Variants in CIMIP6 observed in about 807,000 individuals in gnomAD.
CIMIP6 encodes the protein uncharacterized protein C2orf73.
the CIMIP6 span, among the ~76,000 whole-genome samples, chr2:54,334,242 G>A: frequency 4.6e-5 from 7 of 151,842 alleles, no homozygotes; most frequent in African/African-American, 1.2e-4. Flanking sequence ...AGTAATTTTC[G>A]TATTTGTAAC....
chr2:54,362,397 G>GT, the CIMIP6 span, among the ~76,000 whole-genome samples: 2 of 152,244 alleles, frequency 1.3e-5, no homozygotes, highest in South Asian at 4.1e-4. Context: ...AAGATCCTTG[G>GT]TTTTTTTCCA....
chr2:54,359,600 T>C, the CIMIP6 span, among the ~76,000 whole-genome samples: 1 of 132,664 alleles, frequency 7.5e-6, no homozygotes, highest in African/African-American at 3.3e-5. Flanking sequence ...CTAATAACAA[T>C]AATAATAATA....
At chr2:54,377,178 T>G in the CIMIP6 span, among the ~76,000 whole-genome samples, 7 of 152,132 alleles carry the variant, frequency 4.6e-5, no homozygotes, top group South Asian at 1.0e-3. Context: ...CTGATAAACG[T>G]TGAACCCACG....
the CIMIP6 span, chr2:54,359,221 G>T: frequency 1.6e-6 from 1 of 610,498 alleles, no homozygotes; most frequent in Non-Finnish European, 2.9e-6. Context: ...ACATACCATA[G>T]TAAAATGTAA....
chr2:54,355,497 C>T, the CIMIP6 span, among the ~76,000 whole-genome samples: 1 of 152,152 alleles, frequency 6.6e-6, no homozygotes, highest in Non-Finnish European at 1.5e-5. Flanking sequence ...CTCTTTCAAT[C>T]TGAGGTGTTT....
At chr2:54,377,657 C>G in the CIMIP6 span, among the ~76,000 whole-genome samples, 1 of 152,118 alleles carries the variant, frequency 6.6e-6, no homozygotes. Context: ...TAATGAAAAT[C>G]CAGCTCTCTC....
the CIMIP6 span, among the ~76,000 whole-genome samples, chr2:54,349,902 G>A: frequency 6.6e-6 from 1 of 151,724 alleles, no homozygotes; most frequent in Non-Finnish European, 1.5e-5. Flanking sequence ...AGGCTGGAGG[G>A]CAAGTGGCGT....
the CIMIP6 span, among the ~76,000 whole-genome samples, chr2:54,362,246 C>T: frequency 1.3e-5 from 2 of 152,050 alleles, no homozygotes; most frequent in African/African-American, 4.8e-5. Context: ...ACAAAAATTA[C>T]AAATCACACC....
At chr2:54,341,514 G>C in the CIMIP6 span, among the ~76,000 whole-genome samples, 1 of 152,272 alleles carries the variant, frequency 6.6e-6, no homozygotes, top group East Asian at 1.9e-4. Context: ...GCACAAAACA[G>C]ACTAAGACGT....
At chr2:54,367,342 A>AAT in the CIMIP6 span, among the ~76,000 whole-genome samples, 4 of 151,992 alleles carry the variant, frequency 2.6e-5, no homozygotes, top group African/African-American at 7.3e-5. Flanking sequence ...CATTTGGCAA[A>AAT]ATATATATAT....
chr2:54,331,007 T>G, the CIMIP6 span: 3 of 1,613,760 alleles, frequency 1.9e-6, no homozygotes, highest in Non-Finnish European at 2.5e-6. Context: ...CATCAGTAAG[T>G]GCTGGGGTTT....
chr2:54,357,380 T>C, the CIMIP6 span, among the ~76,000 whole-genome samples: 1 of 152,184 alleles, frequency 6.6e-6, no homozygotes, highest in African/African-American at 2.4e-5. Context: ...AAAAGTTAAA[T>C]TTTATTTTTT....
At chr2:54,382,115 T>C in the CIMIP6 span, 3 of 1,173,416 alleles carry the variant, frequency 2.6e-6, no homozygotes, top group East Asian at 2.8e-5. Context: ...TTTCCTACTA[T>C]AGAAATGTGA....
chr2:54,350,120 T>G, the CIMIP6 span, among the ~76,000 whole-genome samples: 2 of 152,230 alleles, frequency 1.3e-5, no homozygotes, highest in African/African-American at 4.8e-5. Flanking sequence ...CCTCCCAAAG[T>G]GCTGGGATTA....
chr2:54,363,887 C>G, the CIMIP6 span, among the ~76,000 whole-genome samples: 2 of 152,176 alleles, frequency 1.3e-5, no homozygotes, highest in African/African-American at 4.8e-5. Flanking sequence ...ACAAATGTCA[C>G]TGAGGATTGA....
chr2:54,360,990 T>G, the CIMIP6 span: 1 of 153,898 alleles, frequency 6.5e-6, no homozygotes, highest in Admixed American at 6.5e-5. Flanking sequence ...ACTGTAAAAT[T>G]AGGAAAATAG....
chr2:54,383,376 G>A, the CIMIP6 span: 1 of 152,146 alleles, frequency 6.6e-6, no homozygotes, highest in East Asian at 1.9e-4. Flanking sequence ...AGATTAATAA[G>A]CAGCTTATAT....
At chr2:54,379,724 C>G in the CIMIP6 span, among the ~76,000 whole-genome samples, 17 of 151,936 alleles carry the variant, frequency 1.1e-4, no homozygotes, top group Non-Finnish European at 1.9e-4. Flanking sequence ...TGCCTATAAT[C>G]CCAGCACTTT....
the CIMIP6 span, chr2:54,334,878 G>A: frequency 6.0e-5 from 93 of 1,559,574 alleles, no homozygotes; most frequent in Non-Finnish European, 7.5e-5. Flanking sequence ...AATTAAACAC[G>A]AAGAAAAACC....
Sources: gnomAD v4.1 joint callset for allele counts (sites outside exome capture counted in the v4.1 genomes callset) on GRCh38, gnomAD v4.1.1 for gene constraint, MANE v1.5 for transcripts, NCBI Gene and HGNC (gene_info 2026-07-23, HGNC 2026-07-21) for gene names.